The following TBC1D4 variants were observed in gnomAD, a reference collection of about 807,000 sequenced individuals.
The protein encoded by TBC1D4 is TBC1 domain family member 4, also known as TBC (Tre-2, BUB2, CDC16) domain-containing protein.
TBC1D4 carries 121 observed loss-of-function variants against 142.5 expected under a neutral mutation model. The observed-to-expected ratio is 0.85, with a 90% CI of 0.73 to 0.99. TBC1D4 has a LOEUF of 0.99. TBC1D4 is among the 50% of genes least tolerant of loss of function. The probability of loss-of-function intolerance (pLI) is 0.00; values close to 1 mark genes in which losing one functional copy is unlikely to be tolerated. For synonymous variants in TBC1D4, 630 were observed against 628.2 expected (o/e 1.00, Z -0.04); for missense variants, 1,475 against 1,606.6 (o/e 0.92, Z 1.40).
At chr13:75,353,057 A>C (rs987749628) in intron 4 of TBC1D4, among the ~76,000 whole-genome samples, 9 of 152,192 alleles carry the variant, frequency 5.9e-5, no homozygotes, top group Non-Finnish European at 2.9e-5. Flanking sequence ...ATCCTAGCAT[A>C]GGCCTGTTCT....
intron 1 of TBC1D4, among the ~76,000 whole-genome samples, chr13:75,416,487 C>A (rs1431149710): frequency 6.6e-6 from 1 of 152,162 alleles, no homozygotes; most frequent in South Asian, 2.1e-4. Flanking sequence ...GAGACATCAG[C>A]CCCCTCTCAT....
At chr13:75,376,552 A>AT (rs1458404510) in intron 1 of TBC1D4, among the ~76,000 whole-genome samples, 1 of 151,968 alleles carries the variant, frequency 6.6e-6, no homozygotes, top group Non-Finnish European at 1.5e-5. Flanking sequence ...TAATTTTTGT[A>AT]TTTTTAGTAG....
At chr13:75,323,702 T>C (rs991610741) in intron 11 of TBC1D4, among the ~76,000 whole-genome samples, 1 of 152,194 alleles carries the variant, frequency 6.6e-6, no homozygotes, top group Non-Finnish European at 1.5e-5. Context: ...GCTATCCATA[T>C]GATCTTGTAA....
intron 1 of TBC1D4, among the ~76,000 whole-genome samples, chr13:75,441,983 C>T (rs183386010): frequency 5.9e-4 from 90 of 152,292 alleles, no homozygotes; most frequent in African/African-American, 2.1e-3. Flanking sequence ...GTGCTGAAGA[C>T]AACTAAGCTT....
chr13:75,342,817 A>G (rs927800154), intron 5 of TBC1D4, among the ~76,000 whole-genome samples: 1 of 151,792 alleles, frequency 6.6e-6, no homozygotes, highest in African/African-American at 2.4e-5. Flanking sequence ...GATTATGAAG[A>G]GAATATATAT....
chr13:75,383,801 G>A (rs966312960), intron 1 of TBC1D4, among the ~76,000 whole-genome samples: 12 of 152,064 alleles, frequency 7.9e-5, no homozygotes, highest in Non-Finnish European at 1.5e-4. Context: ...CTGATAACGC[G>A]GGGCTACTGT....
At chr13:75,405,573 T>C (rs1273538324) in intron 1 of TBC1D4, among the ~76,000 whole-genome samples, 1 of 152,200 alleles carries the variant, frequency 6.6e-6, no homozygotes, top group Non-Finnish European at 1.5e-5. Context: ...CGCCTGGTCA[T>C]ATGAATTTTT....
intron 1 of TBC1D4, chr13:75,377,238 T>C (rs1479401081): frequency 1.3e-5 from 2 of 152,198 alleles, no homozygotes; most frequent in Non-Finnish European, 2.9e-5. Context: ...AGGCCCCAGA[T>C]TGTATCCGGG....
chr13:75,380,919 A>G (rs1883811104), intron 1 of TBC1D4, among the ~76,000 whole-genome samples: 2 of 152,054 alleles, frequency 1.3e-5, no homozygotes, highest in Non-Finnish European at 2.9e-5. Flanking sequence ...ACTATGCCCA[A>G]TTATAAATGG....
intron 1 of TBC1D4, among the ~76,000 whole-genome samples, chr13:75,426,967 T>G (rs551535244): frequency 6.6e-6 from 1 of 152,190 alleles, no homozygotes; most frequent in Non-Finnish European, 1.5e-5. Context: ...GATGACTGCT[T>G]GAGCCTGAGA....
At chr13:75,312,064 T>C (rs1877808807) in intron 13 of TBC1D4, among the ~76,000 whole-genome samples, 1 of 152,196 alleles carries the variant, frequency 6.6e-6, no homozygotes, top group Admixed American at 6.5e-5. Context: ...TACATCATTA[T>C]GTATGTTCTC....
At chr13:75,375,773 C>CCAACACA (rs1555312976) in intron 1 of TBC1D4, 3 of 133,838 alleles carry the variant, frequency 2.2e-5, no homozygotes, top group African/African-American at 8.8e-5. Context: ...CCCACCCCCC[C>CCAACACA]CACACACACA....
At position 75,294,885 on chromosome 13, in the gene TBC1D4, C is replaced by G. The variant is rs1371588115; in HGVS notation, c.3285G>C (p.Gln1095His). The G allele has an allele frequency of 1.2e-6, 2 of 1,613,732 alleles. No individual in the cohort carries two copies. The highest frequency in any genetic ancestry group is 2.7e-5 in the African/African-American group (2 of 74,880). ...APWFLTLFAS[Q>H]FSLGFVARVF... ...CTCTGGCTACAAATCCTAATGAAAA[C>G]TGAGAGGCAAACAATGTGAGGAACC... The change falls in exon 18 of 21, where the codon CAG (glutamine) becomes CAC (histidine). Residue 1095 changes from glutamine to histidine, a missense_variant. Coordinates refer to ENST00000377636, the MANE Select transcript of TBC1D4 (RefSeq NM_014832.5).
At chr13:75,379,914 T>C (rs1227288969) in intron 1 of TBC1D4, among the ~76,000 whole-genome samples, 2 of 96,616 alleles carry the variant, frequency 2.1e-5, no homozygotes, top group East Asian at 3.2e-4. Flanking sequence ...TTTTTTTTTT[T>C]TTTTTTTTTG....
chr13:75,340,420 T>C (rs1300600273), intron 7 of TBC1D4, among the ~76,000 whole-genome samples: 1 of 152,196 alleles, frequency 6.6e-6, no homozygotes, highest in East Asian at 1.9e-4. Flanking sequence ...TAGGGTACCA[T>C]TTACATGATA....
intron 1 of TBC1D4, among the ~76,000 whole-genome samples, chr13:75,409,430 A>C (rs1885493473): frequency 6.6e-6 from 1 of 152,206 alleles, no homozygotes. Flanking sequence ...GTTCACGATT[A>C]ATCTGTTCTT....
At chr13:75,473,448 G>A (rs1888500242) in intron 1 of TBC1D4, among the ~76,000 whole-genome samples, 1 of 152,196 alleles carries the variant, frequency 6.6e-6, no homozygotes, top group African/African-American at 2.4e-5. Flanking sequence ...GAGACTGATA[G>A]TAAACTATTC....
At chr13:75,349,370 C>A in intron 4 of TBC1D4, 68 bp from the exon 5 acceptor site, 1 of 1,593,046 alleles carries the variant, frequency 6.3e-7, no homozygotes, top group Non-Finnish European at 8.6e-7. Flanking sequence ...CATTCAACAG[C>A]AATGTGAGCC....
chr13:75,481,695 G>C lies in TBC1D4; in HGVS notation c.73C>G (p.Gln25Glu), dbSNP rs1208321796. The C allele has an allele frequency of 6.3e-7, 1 of 1,598,252 alleles. No homozygotes were observed. Among genetic ancestry groups the C allele is most frequent in the Non-Finnish European group, 8.5e-7 (1 of 1,174,364 alleles). Residue 25 changes from glutamine (Q) to glutamate (E), a missense_variant, in exon 1 of 21, where the codon CAG (glutamine) becomes GAG (glutamate). Around this residue, in one of 2 missense-constraint regions of TBC1D4, gnomAD observed 1,227 missense variants for 1,267.7 expected, o/e 0.97. Coordinates refer to ENST00000377636, the MANE Select transcript of TBC1D4 (RefSeq NM_014832.5). The part of the protein sequence containing the change: ...PLEPEPGVSA[Q>E]PGPGKPSDKR... ...TCGCTTGGCTTCCCGGGGCCGGGCTGAGCTGAGACGCCCGGCTCGGGCTCC... is the reference window on the plus strand; with the variant it reads ...TCGCTTGGCTTCCCGGGGCCGGGCTCAGCTGAGACGCCCGGCTCGGGCTCC...
Sources: allele counts gnomAD v4.1 joint callset (sites outside exome capture counted in the v4.1 genomes callset), GRCh38; gene constraint gnomAD v4.1.1; regional missense constraint gnomAD v4.1.1; transcripts MANE v1.5; gene names NCBI Gene and HGNC (gene_info 2026-07-23, HGNC 2026-07-21).